Variants in OSBPL10 observed in about 807,000 individuals in gnomAD.
OSBPL10 encodes oxysterol binding protein like 10.
OSBPL10 carries 49 observed loss-of-function variants against 81.7 expected under a neutral mutation model. The observed-to-expected ratio is 0.60, with a 90% confidence interval of 0.48 to 0.76. The LOEUF (loss-of-function observed/expected upper bound fraction) is 0.76, where lower values mean the gene tolerates loss of function less well. OSBPL10 is among the 30% of genes least tolerant of loss of function. OSBPL10 has a pLI of 0.00. For missense variants in OSBPL10, 923 were observed against 987.8 expected, an observed-to-expected ratio of 0.93 and a Z score of 0.88; for synonymous variants, 419 against 383.6, an observed-to-expected ratio of 1.09 and a Z score of -1.08.
chr3:31,965,448 A>C, intron 1 of OSBPL10, among the ~76,000 whole-genome samples: 1 of 72,702 alleles, frequency 1.4e-5, no homozygotes, highest in East Asian at 4.3e-4. Context: ...TATATATTAT[A>C]TAATATATAA....
At chr3:31,898,663 G>A (rs536621773) in intron 1 of OSBPL10, among the ~76,000 whole-genome samples, 4 of 151,750 alleles carry the variant, frequency 2.6e-5, no homozygotes, top group South Asian at 4.2e-4. Context: ...ACAGATATAC[G>A]GAAACATAAT....
intron 2 of OSBPL10, chr3:32,030,739 T>C: frequency 1.5e-6 from 1 of 667,820 alleles, no homozygotes; most frequent in Non-Finnish European, 2.7e-6. Context: ...AATAAAAAAT[T>C]ACTAAGCAAA....
intron 7 of OSBPL10, among the ~76,000 whole-genome samples, chr3:31,693,420 C>T (rs1017187319): frequency 6.6e-6 from 1 of 152,192 alleles, no homozygotes; most frequent in African/African-American, 2.4e-5. Context: ...AAAGAGACAA[C>T]GTGGCCAACC....
In OSBPL10 at chr3:31,702,441, G is replaced by A. The variant is rs150154296; in HGVS notation, c.1163C>T (p.Thr388Met). 4.2e-5 allele frequency: 68 copies of A among 1,614,068 alleles called. No individual in the cohort carries two copies. In the Middle Eastern group the frequency reaches 5.0e-4, roughly 12 times the overall value. Reference sequence around the variant, plus strand: ...CTGATCCTCCATGACGCCCAATTCCGTCTCTTCCTTATCTTCATTGTCACT... The same window carrying A: ...CTGATCCTCCATGACGCCCAATTCCATCTCTTCCTTATCTTCATTGTCACT... ...EKSDNEDKEE[T>M]ELGVMEDQRS... is the part of the protein sequence containing the mutation. Residue 388 changes from threonine (T) to methionine (M), a missense_variant, in exon 7 of 12, where the codon ACG becomes ATG. Coordinates refer to ENST00000396556, the MANE Select transcript of OSBPL10 (RefSeq NM_017784.5).
chr3:31,887,327 G>A (rs913305933), intron 1 of OSBPL10, among the ~76,000 whole-genome samples: 20 of 152,288 alleles, frequency 1.3e-4, no homozygotes, highest in Admixed American at 1.2e-3. Flanking sequence ...GAAGTGGGGG[G>A]CCAAACTATG....
At position 31,678,782 on chromosome 3, in the gene OSBPL10, C is replaced by CTGTGTGTGTGTGTG. The variant is rs67616509; in HGVS notation, c.1726+4838_1726+4851dup. On this transcript the variant is annotated intron_variant, in intron 8 of 11. Coordinates refer to ENST00000396556, the MANE Select transcript of OSBPL10 (RefSeq NM_017784.5). ...TACTCTGACTAATCACAGATTCAAACTGTGTGTGTGTGTGTGTGTGTGTGT... is the reference window on the plus strand; with the variant it reads ...TACTCTGACTAATCACAGATTCAAACTGTGTGTGTGTGTGTGTGTGTGTGTGTGTGTGTGTGTGT... Among the ~76,000 whole-genome samples the CTGTGTGTGTGTGTG allele has an allele frequency of 9.3e-3, 1,263 of 135,606 alleles. 15 individuals are homozygous for CTGTGTGTGTGTGTG. The highest frequency in any genetic ancestry group is 0.011 in the Admixed American group (144 of 13,264). The allele number at this position is 135,606 out of a possible 152,430, so 89.0% of individuals were successfully genotyped here.
At position 31,838,100 on chromosome 3, in the gene OSBPL10, C is replaced by G. The variant is rs185034306; in HGVS notation, c.538-7869G>C. Among the ~76,000 whole-genome samples the G allele has an allele frequency of 2.0e-5, 3 of 152,292 alleles. No individual in the cohort carries two copies. The East Asian group carries it at 5.8e-4, about 29-fold the overall frequency. ...AAAATGTGAGCAAAAGGGAAGAACT[C>G]ATCCAACCAGATACAAATATTAACA... On this transcript the variant is annotated intron_variant, in intron 3 of 11. Transcript: ENST00000396556.
rs1700072332 is a variant in OSBPL10, at chr3:31,661,622, T to A, written c.*450A>T. The A allele has an allele frequency of 6.5e-6, 1 of 152,918 alleles. No homozygotes were observed. Among genetic ancestry groups the A allele is most frequent in the Non-Finnish European group, 1.5e-5 (1 of 68,576 alleles). 9.5% of individuals were successfully genotyped at this position (152,918 alleles called of 1,614,324 possible). A position where few individuals can be genotyped will look rare whatever the true frequency, so the allele number is the denominator to read the frequency against. On this transcript the variant is annotated 3_prime_UTR_variant, in exon 12 of 12. Transcript: ENST00000396556. The stretch of plus-strand genomic sequence containing the variant: ...ACCAGGAATGAGCCACTTTCTCCCT[T>A]ATGGACAGTGATCGGGCCATGCCAG...
intron 6 of OSBPL10, among the ~76,000 whole-genome samples, chr3:31,724,030 C>A (rs1340705137): frequency 6.6e-6 from 1 of 152,054 alleles, no homozygotes; most frequent in East Asian, 1.9e-4. Flanking sequence ...GACTAAATAC[C>A]CCAAACAACA....
chr3:31,739,605 T>C (rs893915383), intron 5 of OSBPL10, among the ~76,000 whole-genome samples: 2 of 152,194 alleles, frequency 1.3e-5, no homozygotes, highest in Admixed American at 6.5e-5. Context: ...CAGAGCTCGG[T>C]TGCCCTCCAG....
At chr3:31,843,524 T>G (rs1367340437) in intron 3 of OSBPL10, among the ~76,000 whole-genome samples, 3 of 152,206 alleles carry the variant, frequency 2.0e-5, no homozygotes, top group Non-Finnish European at 4.4e-5. Context: ...GGCTCTGCCT[T>G]CTGGGAGAAC....
chr3:31,920,350 AC>A (rs1206529183), intron 1 of OSBPL10, among the ~76,000 whole-genome samples: 5 of 152,188 alleles, frequency 3.3e-5, no homozygotes, highest in African/African-American at 4.8e-5. Flanking sequence ...CTAGGAAAGA[AC>A]CCAGCCTGTG....
At chr3:31,860,036 T>TATACCTGGTAA (rs1434699741) in intron 3 of OSBPL10, among the ~76,000 whole-genome samples, 2 of 152,156 alleles carry the variant, frequency 1.3e-5, no homozygotes, top group African/African-American at 2.4e-5. Flanking sequence ...GTGGTGGACA[T>TATACCTGGTAA]TGCTCACATA....
At chr3:31,978,566 T>C (rs968542250) in intron 1 of OSBPL10, among the ~76,000 whole-genome samples, 8 of 152,306 alleles carry the variant, frequency 5.3e-5, no homozygotes, top group African/African-American at 1.9e-4. Flanking sequence ...AAACCACTAA[T>C]GGACCCTCAG....
At chr3:31,802,105 G>A (rs1256280979) in intron 4 of OSBPL10, among the ~76,000 whole-genome samples, 13 of 151,042 alleles carry the variant, frequency 8.6e-5, no homozygotes, top group African/African-American at 2.4e-4. Flanking sequence ...TTACAGGCAC[G>A]AGCCACTGCA....
At chr3:31,668,941 T>A in intron 9 of OSBPL10, 117 bp from the exon 10 acceptor site, 2 of 863,748 alleles carry the variant, frequency 2.3e-6, no homozygotes, top group Non-Finnish European at 3.4e-6. Context: ...GGAGGGATTG[T>A]TTTTGCAGCT....
chr3:31,862,484 C>T (rs957813264), intron 3 of OSBPL10, among the ~76,000 whole-genome samples: 1 of 151,346 alleles, frequency 6.6e-6, no homozygotes, highest in African/African-American at 2.4e-5. Context: ...AAATGTAATG[C>T]TTTTTTTTTA....
intron 1 of OSBPL10, among the ~76,000 whole-genome samples, chr3:32,066,100 G>A (rs1375048274): frequency 3.4e-5 from 3 of 87,120 alleles, no homozygotes; most frequent in African/African-American, 8.8e-5. Flanking sequence ...ACTCCAGCCT[G>A]GGCGACAGAG....
intron 1 of OSBPL10, among the ~76,000 whole-genome samples, chr3:31,972,155 A>G (rs1698584298): frequency 1.3e-5 from 2 of 152,308 alleles, no homozygotes; most frequent in Admixed American, 6.5e-5. Context: ...TCGGGAGGCC[A>G]AGGCGGGCGG....
Sources: gnomAD v4.1 joint callset for allele counts (sites outside exome capture counted in the v4.1 genomes callset) on GRCh38, gnomAD v4.1.1 for gene constraint, MANE v1.5 for transcripts, NCBI Gene and HGNC (gene_info 2026-07-23, HGNC 2026-07-21) for gene names.